Variants in C4orf36 observed in about 807,000 individuals in gnomAD.
The protein encoded by C4orf36 is chromosome 4 open reading frame 36, also known as uncharacterized protein C4orf36.
A neutral mutation model predicts 12.2 loss-of-function variants in C4orf36; 11 were observed. The ratio of observed to expected loss-of-function variants is 0.90; its 90% CI spans 0.57 to 1.49. The LOEUF is 1.49. Ranked by LOEUF, C4orf36 falls within the 40% of genes most tolerant of loss-of-function variation. The pLI is 0.00. For synonymous variants in C4orf36, 54 were observed against 51.3 expected (o/e 1.05, Z -0.22); for missense variants, 137 against 133.9 (o/e 1.02, Z -0.11).
the C4orf36 span, among the ~76,000 whole-genome samples, chr4:86,927,149 G>A: frequency 2.0e-5 from 3 of 152,054 alleles, no homozygotes; most frequent in African/African-American, 7.2e-5. Context: ...CCCTCCTAAG[G>A]GCCTAGAATG....
chr4:86,914,696 C>T, the C4orf36 span: 12 of 376,604 alleles, frequency 3.2e-5, no homozygotes, highest in East Asian at 8.1e-5. Flanking sequence ...CCACAGCGCC[C>T]GGCTCCGTTC....
chr4:86,913,222 T>G, the C4orf36 span: 1 of 507,916 alleles, frequency 2.0e-6, no homozygotes, highest in Non-Finnish European at 3.7e-6. Context: ...TTCCACAGTT[T>G]GTTGTGCTGG....
At chr4:86,927,165 T>G in the C4orf36 span, among the ~76,000 whole-genome samples, 2 of 152,230 alleles carry the variant, frequency 1.3e-5, no homozygotes, top group African/African-American at 4.8e-5. Flanking sequence ...GAATGTACCC[T>G]GCCCAGGCTT....
At chr4:86,906,310 A>C in the C4orf36 span, among the ~76,000 whole-genome samples, 1 of 152,212 alleles carries the variant, frequency 6.6e-6, no homozygotes, top group Non-Finnish European at 1.5e-5. Context: ...TAGATTGAAC[A>C]ATACTTCTCA....
chr4:86,935,038 C>T, the C4orf36 span: 1 of 151,878 alleles, frequency 6.6e-6, no homozygotes, highest in Non-Finnish European at 1.5e-5. Flanking sequence ...CGGGCGCGCG[C>T]GGCCCCTGCG....
At chr4:86,884,329 C>T (rs959923523) in intron 4 of C4orf36, among the ~76,000 whole-genome samples, 1 of 125,464 alleles carries the variant, frequency 8.0e-6, no homozygotes, top group Admixed American at 9.7e-5. Context: ...TTTTGAGACA[C>T]GTTCTCACTC....
chr4:86,903,917 A>G, the C4orf36 span, among the ~76,000 whole-genome samples: 1 of 152,082 alleles, frequency 6.6e-6, no homozygotes, highest in Non-Finnish European at 1.5e-5. Context: ...CTAGACACAG[A>G]GCGCTGATTG....
At chr4:86,917,459 GAAAGA>G in the C4orf36 span, among the ~76,000 whole-genome samples, 4 of 85,408 alleles carry the variant, frequency 4.7e-5, no homozygotes, top group African/African-American at 8.9e-5. Context: ...GAAAAAGAAA[GAAAGA>G]AAAGAAAGAA....
chr4:86,913,551 T>G, the C4orf36 span: 1 of 1,030,594 alleles, frequency 9.7e-7, no homozygotes, highest in Non-Finnish European at 1.5e-6. Context: ...GAAAAGAGCG[T>G]TGGGCAGCAG....
chr4:86,880,353 C>T (rs181257225), intron 4 of C4orf36, among the ~76,000 whole-genome samples: 24 of 152,238 alleles, frequency 1.6e-4, no homozygotes, highest in Non-Finnish European at 8.8e-5. Context: ...TACTTGGGAG[C>T]ATGAGGCAGA....
the C4orf36 span, among the ~76,000 whole-genome samples, chr4:86,909,618 ATATT>A: frequency 2.0e-5 from 3 of 152,194 alleles, no homozygotes; most frequent in Admixed American, 6.5e-5. Context: ...CTCTGTTCAA[ATATT>A]TATTAATGCT....
intron 4 of C4orf36, among the ~76,000 whole-genome samples, chr4:86,884,043 T>TA (rs1282836503): frequency 6.6e-6 from 1 of 152,042 alleles, no homozygotes; most frequent in Non-Finnish European, 1.5e-5. Context: ...CTGAATCATC[T>TA]AAAAAATACT....
the C4orf36 span, among the ~76,000 whole-genome samples, chr4:86,929,442 A>G: frequency 6.6e-6 from 1 of 152,206 alleles, no homozygotes; most frequent in South Asian, 2.1e-4. Flanking sequence ...TCTATACAGC[A>G]TGGTAATTTG....
At chr4:86,907,797 A>G in the C4orf36 span, among the ~76,000 whole-genome samples, 4 of 151,870 alleles carry the variant, frequency 2.6e-5, no homozygotes, top group African/African-American at 9.7e-5. Context: ...ACAAAACCCC[A>G]TCTATCCTAA....
upstream of C4orf36, among the ~76,000 whole-genome samples, chr4:86,893,921 G>C (rs942487087): frequency 2.0e-5 from 3 of 150,368 alleles, no homozygotes; most frequent in Non-Finnish European, 4.4e-5. Context: ...TATTGAGATG[G>C]AGTCTCGCTC....
the C4orf36 span, among the ~76,000 whole-genome samples, chr4:86,918,845 T>C: frequency 1.3e-5 from 2 of 150,614 alleles, no homozygotes; most frequent in Non-Finnish European, 3.0e-5. Flanking sequence ...GCACGTGATA[T>C]GGGGAGATTT....
chr4:86,906,685 C>A, the C4orf36 span, among the ~76,000 whole-genome samples: 1 of 139,462 alleles, frequency 7.2e-6, no homozygotes, highest in Non-Finnish European at 1.5e-5. Context: ...GAGTTGAGAT[C>A]GCATCGCTAC....
At chr4:86,904,655 A>G in the C4orf36 span, among the ~76,000 whole-genome samples, 1 of 150,828 alleles carries the variant, frequency 6.6e-6, no homozygotes, top group African/African-American at 2.4e-5. Context: ...CCTACTCAAA[A>G]GGCTGAGGCA....
At position 86,888,236 on chromosome 4, in the gene C4orf36, C is replaced by T. The variant is rs138842346; in HGVS notation, c.105G>A (p.Trp35Ter). Reference protein sequence around the residue: ...PWDIALLAKTWSTNLANIKLP... With the variant: ...PWDIALLAKT The stretch of plus-strand genomic sequence containing the variant: ...ACTTGATATTGGCTAGGTTTGTGGA[C>T]CAGGTCTTTGCAAGCAATGCAATAT... The change falls in exon 3 of 5, where the codon TGG becomes TGA. Residue 35 changes from tryptophan (W) to a stop codon, truncating the protein, a stop_gained. Coordinates refer to ENST00000295898, the MANE Select transcript of C4orf36 (RefSeq NM_144645.4). LOFTEE classifies it high-confidence loss of function. 69 of 1,613,954 alleles carry T rather than the reference C, an allele frequency of 4.3e-5. No homozygotes were observed. The highest frequency in any genetic ancestry group is 5.7e-5 in the Non-Finnish European group (67 of 1,179,970).
Sources: allele counts gnomAD v4.1 joint callset (sites outside exome capture counted in the v4.1 genomes callset), GRCh38; gene constraint gnomAD v4.1.1; transcripts MANE v1.5; gene names NCBI Gene and HGNC (gene_info 2026-07-23, HGNC 2026-07-21).